The following NCAM2 variants were observed in gnomAD, a reference collection of about 807,000 sequenced individuals.
NCAM2 encodes the protein N-CAM-2.
NCAM2 carries 30 observed loss-of-function variants against 98.1 expected under a neutral mutation model. The ratio of observed to expected loss-of-function variants is 0.31; its 90% CI spans 0.23 to 0.41. NCAM2 has a LOEUF of 0.41. Ranked by LOEUF, NCAM2 falls within the 10% of genes least tolerant of loss-of-function variation. The pLI, the probability that NCAM2 is intolerant of heterozygous loss-of-function variation, is 1.00. For missense variants in NCAM2, 867 were observed against 1,005.8 expected (o/e 0.86, Z 1.87); for synonymous variants, 368 against 342.4 (o/e 1.07, Z -0.83).
chr21:21,159,079 ATG>A (rs2146764772), intron 1 of NCAM2, among the ~76,000 whole-genome samples: 1 of 152,220 alleles, frequency 6.6e-6, no homozygotes, highest in Non-Finnish European at 1.5e-5. Context: ...CTAATGGCTA[ATG>A]TGTGTTTGTG....
intron 3 of NCAM2, among the ~76,000 whole-genome samples, chr21:21,286,052 C>A (rs1461038091): frequency 2.0e-5 from 3 of 151,804 alleles, no homozygotes; most frequent in African/African-American, 7.2e-5. Flanking sequence ...TTATACAGAA[C>A]CTCATATGGC....
chr21:21,175,657 AGTT>A (rs1423065253), intron 1 of NCAM2, among the ~76,000 whole-genome samples: 3 of 152,260 alleles, frequency 2.0e-5, no homozygotes, highest in African/African-American at 7.2e-5. Flanking sequence ...TTAAGGGTTT[AGTT>A]GTTAGGTCTG....
chr21:21,418,663 G>T (rs1484411260), intron 11 of NCAM2, 94 bp downstream of exon 11: 8 of 901,200 alleles, frequency 8.9e-6, no homozygotes, highest in Non-Finnish European at 1.5e-5. Flanking sequence ...TTACATGTGG[G>T]ATTTAAAACA....
At chr21:21,390,474 C>T (rs147825665) in intron 9 of NCAM2, among the ~76,000 whole-genome samples, 1 of 152,024 alleles carries the variant, frequency 6.6e-6, no homozygotes, top group Non-Finnish European at 1.5e-5. Flanking sequence ...GAAAGGGGTA[C>T]AAAGGCAGAA....
Position 21,147,213 on chromosome 21 carries a change from C to T in NCAM2, c.56-133365C>T, listed in dbSNP as rs2067305222. 3.1e-6 allele frequency: 3 copies of T among 976,860 alleles called. No individual in the cohort carries two copies. The African/African-American group carries it at 5.6e-5, about 18-fold the overall frequency. The allele number at this position is 976,860 out of a possible 1,614,324, so 60.5% of individuals were successfully genotyped here. ...TACTTCAGCACATGGAACTCTGCCTCCGCAGTTCTTAGTCCGTACCCGGCA... is the reference window on the plus strand; with the variant it reads ...TACTTCAGCACATGGAACTCTGCCTTCGCAGTTCTTAGTCCGTACCCGGCA... On this transcript the variant is annotated intron_variant, in intron 1 of 17. Transcript: ENST00000400546.
intron 1 of NCAM2, among the ~76,000 whole-genome samples, chr21:21,046,265 T>C (rs932913437): frequency 6.6e-6 from 1 of 152,206 alleles, no homozygotes; most frequent in Admixed American, 6.5e-5. Context: ...TCTTTTTGTA[T>C]TGAAAGTTTA....
chr21:21,205,664 A>C (rs1398760346), intron 1 of NCAM2, among the ~76,000 whole-genome samples: 1 of 152,138 alleles, frequency 6.6e-6, no homozygotes, highest in Non-Finnish European at 1.5e-5. Context: ...TTAAACTTTC[A>C]AGAAATGTTA....
intron 7 of NCAM2, among the ~76,000 whole-genome samples, chr21:21,337,586 A>T (rs2074908000): frequency 6.6e-6 from 1 of 152,020 alleles, no homozygotes; most frequent in African/African-American, 2.4e-5. Flanking sequence ...GATTGTATCC[A>T]TTTTATATCT....
intron 8 of NCAM2, among the ~76,000 whole-genome samples, chr21:21,343,467 C>G (rs1262848451): frequency 6.6e-6 from 1 of 151,916 alleles, no homozygotes; most frequent in African/African-American, 2.4e-5. Flanking sequence ...CTGAAAGAGT[C>G]ACTGAAGTGA....
chr21:21,102,020 G>A (rs2066252407), intron 1 of NCAM2, among the ~76,000 whole-genome samples: 1 of 151,962 alleles, frequency 6.6e-6, no homozygotes. Context: ...CCTCTTGTCT[G>A]AAGCCCTTTG....
chr21:21,220,467 G>C (rs2070101153), intron 1 of NCAM2, among the ~76,000 whole-genome samples: 1 of 152,110 alleles, frequency 6.6e-6, no homozygotes, highest in Admixed American at 6.6e-5. Flanking sequence ...TAGGTTTGTA[G>C]TACACTATAG....
rs1220325723 is a variant in NCAM2 at position 21,081,819 on chromosome 21, A to AT, written c.55+83201_55+83202insT. ...CCCTCTCAAAGAAAAAGAAAAAAAA[A>AT]GAAAAAAAAATTATCTCATGCCTTT... On this transcript the variant is annotated intron_variant, in intron 1 of 17. Coordinates refer to ENST00000400546, the MANE Select transcript of NCAM2 (RefSeq NM_004540.5). Among the ~76,000 whole-genome samples the AT allele has an allele frequency of 1.4e-3, 213 of 151,514 alleles. 1 individual carries two copies. The highest frequency in any genetic ancestry group is 4.7e-3 in the African/African-American group (191 of 41,042).
intron 1 of NCAM2, among the ~76,000 whole-genome samples, chr21:21,237,701 G>T (rs1004151458): frequency 2.6e-5 from 4 of 151,610 alleles, no homozygotes; most frequent in African/African-American, 9.7e-5. Flanking sequence ...TTTTAGTAAA[G>T]GTAAATTCAT....
intron 1 of NCAM2, among the ~76,000 whole-genome samples, chr21:21,265,103 A>G (rs1161985191): frequency 3.1e-5 from 1 of 32,656 alleles, no homozygotes; most frequent in African/African-American, 1.0e-4. Context: ...ATATACATAT[A>G]TAATATATAT....
chr21:21,534,846 A>G (rs1262303465), intron 17 of NCAM2, among the ~76,000 whole-genome samples, 190 bp downstream of exon 17: 2 of 152,182 alleles, frequency 1.3e-5, no homozygotes, highest in African/African-American at 4.8e-5. Context: ...AAAACTTTGT[A>G]TGAATGTCAG....
At chr21:21,480,215 A>C (rs907235386) in intron 15 of NCAM2, among the ~76,000 whole-genome samples, 1 of 151,850 alleles carries the variant, frequency 6.6e-6, no homozygotes, top group African/African-American at 2.4e-5. Flanking sequence ...AAATACAAAA[A>C]AATTAGCTGG....
chr21:21,509,920 A>G (rs1271385184), intron 16 of NCAM2, among the ~76,000 whole-genome samples: 1 of 152,182 alleles, frequency 6.6e-6, no homozygotes, highest in Non-Finnish European at 1.5e-5. Context: ...CAATCAAAAA[A>G]TAAACAGTCT....
At chr21:21,028,866 A>G (rs2064610041) in intron 1 of NCAM2, among the ~76,000 whole-genome samples, 1 of 152,224 alleles carries the variant, frequency 6.6e-6, no homozygotes, top group Non-Finnish European at 1.5e-5. Flanking sequence ...TGTGTGTTTA[A>G]TATTATAATA....
intron 16 of NCAM2, among the ~76,000 whole-genome samples, chr21:21,511,966 TG>T (rs1316797468): frequency 6.6e-6 from 1 of 151,994 alleles, no homozygotes; most frequent in African/African-American, 2.4e-5. Context: ...TTTCCTGTTT[TG>T]TTTGAGATGC....
Sources: gnomAD v4.1 joint callset for allele counts (sites outside exome capture counted in the v4.1 genomes callset) on GRCh38, gnomAD v4.1.1 for gene constraint, MANE v1.5 for transcripts, NCBI Gene and HGNC (gene_info 2026-07-23, HGNC 2026-07-21) for gene names.